STARD9: variants seen among roughly 807,000 people sequenced by gnomAD.
The protein encoded by STARD9 is StAR related lipid transfer domain containing 9, also known as stAR-related lipid transfer protein 9.
STARD9 carries 346 observed loss-of-function variants against 399.8 expected under a neutral mutation model. The ratio of observed to expected loss-of-function variants is 0.87; its 90% CI spans 0.79 to 0.95. STARD9 has a LOEUF of 0.95. STARD9 is among the 40% of genes least tolerant of loss of function. The pLI is 0.00. For synonymous variants in STARD9, 2,203 were observed against 2,143.5 expected (o/e 1.03, Z -0.77); for missense variants, 5,832 against 5,667.5 (o/e 1.03, Z -0.93).
intron 1 of STARD9, among the ~76,000 whole-genome samples, chr15:42,579,624 G>A (rs1386808933): frequency 4.6e-5 from 7 of 152,084 alleles, no homozygotes; most frequent in Non-Finnish European, 8.8e-5. Context: ...TTCAGAGTAC[G>A]ATAGGAAAGG....
intron 3 of STARD9, among the ~76,000 whole-genome samples, chr15:42,626,246 T>TTCTTCCTCTTCC (rs61712813): frequency 6.6e-6 from 1 of 151,640 alleles, no homozygotes; most frequent in Admixed American, 6.6e-5. Flanking sequence ...CTTCTTCTTC[T>TTCTTCCTCTTCC]TCTTCCTCTT....
chr15:42,636,191 G>A (rs2059415199), intron 4 of STARD9, among the ~76,000 whole-genome samples: 1 of 152,154 alleles, frequency 6.6e-6, no homozygotes, highest in Non-Finnish European at 1.5e-5. Context: ...AGCTACTTAG[G>A]AGGCTGAGGT....
At chr15:42,637,589 T>C (rs539280750) in intron 4 of STARD9, among the ~76,000 whole-genome samples, 39 of 152,162 alleles carry the variant, frequency 2.6e-4, no homozygotes, top group Admixed American at 5.2e-4. Context: ...TGGGGGAACA[T>C]TGGTAAAGTG....
In STARD9 at chr15:42,689,113, C is replaced by T; in HGVS notation, c.7535C>T (p.Thr2512Ile). 1 of 1,537,294 alleles carries T rather than the reference C, an allele frequency of 6.5e-7. No individual in the cohort carries two copies. Among genetic ancestry groups the T allele is most frequent in the Non-Finnish European group, 8.7e-7 (1 of 1,146,918 alleles). ...CCAAGGCAGAAGGCAGAGAAGGAGA[C>T]TGAGGACGTCGGACTGACCAGCGGT... ...SKPRQKAEKE[T>I]EDVGLTSGVS... is the part of the protein sequence containing the mutation. Residue 2512 changes from threonine to isoleucine, a missense_variant, in exon 23 of 33, where the codon ACT becomes ATT. Thr to Ile is a moderately conservative substitution (Grantham distance 89). Coordinates refer to ENST00000290607, the MANE Select transcript of STARD9 (RefSeq NM_020759.3).
Position 42,699,392 on chromosome 15 carries a change from C to CTTTT in STARD9, c.13284+3529_13284+3532dup, listed in dbSNP as rs34614271. Among the ~76,000 whole-genome samples the CTTTT allele has an allele frequency of 4.2e-4, 48 of 113,284 alleles. 1 individual carries two copies. The highest frequency in any genetic ancestry group is 6.9e-4 in the African/African-American group (17 of 24,552). 74.3% of individuals were successfully genotyped at this position (113,284 alleles called of 152,430 possible). A position where few individuals can be genotyped will look rare whatever the true frequency, so the allele number is the denominator to read the frequency against. ...TCTATGAGATCAACTTTTTTCTTTTCTTTTTTTTTTTTTTTTTTTTGAGAT... is the reference window on the plus strand; with the variant it reads ...TCTATGAGATCAACTTTTTTCTTTTCTTTTTTTTTTTTTTTTTTTTTTTTGAGAT... On this transcript the variant is annotated intron_variant, in intron 26 of 32. Coordinates refer to ENST00000290607, the MANE Select transcript of STARD9 (RefSeq NM_020759.3).
At chr15:42,712,632 T>C (rs2061268065) in intron 26 of STARD9, among the ~76,000 whole-genome samples, 2 of 152,196 alleles carry the variant, frequency 1.3e-5, no homozygotes. Flanking sequence ...ACTATAGACA[T>C]ATGGCTTTAT....
At chr15:42,643,385 G>A (rs1407505572) in intron 7 of STARD9, among the ~76,000 whole-genome samples, 1 of 152,030 alleles carries the variant, frequency 6.6e-6, no homozygotes, top group African/African-American at 2.4e-5. Flanking sequence ...TAGTAGAGAC[G>A]GGGTTTCACC....
intron 30 of STARD9, 82 bp downstream of exon 30, chr15:42,718,261 G>A (rs1250467711): frequency 1.4e-6 from 2 of 1,387,536 alleles, no homozygotes; most frequent in Non-Finnish European, 2.0e-6. Context: ...AGAGGTGGAG[G>A]GTTGGAGGCA....
Position 42,691,398 on chromosome 15 carries a change from T to G in STARD9, c.9820T>G (p.Ser3274Ala), listed in dbSNP as rs2060695568. Reference protein sequence around the residue: ...SQGFKDPATVSLRQNETPQPA... With the variant: ...SQGFKDPATVALRQNETPQPA... ...GGGCTTCAAAGACCCAGCCACTGTG[T>G]CCTTGAGGCAAAATGAAACACCGCA... The change falls in exon 23 of 33, where the codon TCC becomes GCC. Residue 3274 changes from serine (S) to alanine (A), a missense_variant. This residue lies in a region of STARD9 where 5,828 missense variants were observed against 5,651.1 expected (regional missense o/e 1.03). Coordinates refer to ENST00000290607, the MANE Select transcript of STARD9 (RefSeq NM_020759.3). 1.3e-6 allele frequency: 2 copies of G among 1,537,204 alleles called. No individual in the cohort carries two copies. The highest frequency in any genetic ancestry group is 8.7e-7 in the Non-Finnish European group (1 of 1,146,896).
chr15:42,702,351 G>A (rs1284876307), intron 26 of STARD9, among the ~76,000 whole-genome samples: 7 of 151,982 alleles, frequency 4.6e-5, no homozygotes, highest in African/African-American at 1.2e-4. Context: ...TTACAGGCGC[G>A]CACCACCATG....
At chr15:42,678,487 G>C (rs139168421) in intron 20 of STARD9, among the ~76,000 whole-genome samples, 166 of 152,298 alleles carry the variant, frequency 1.1e-3, no homozygotes, top group African/African-American at 3.5e-3. Flanking sequence ...CATTGCCTGT[G>C]TTCTTGGCAT....
chr15:42,675,653 C>A lies in STARD9; in HGVS notation c.1688-11C>A, dbSNP rs190528678. The A allele has an allele frequency of 2.0e-4, 306 of 1,534,172 alleles. 2 individuals are homozygous for A. In the East Asian group the frequency reaches 7.2e-3, roughly 36 times the overall value. The stretch of plus-strand genomic sequence containing the variant: ...CTGTTGATTGAATTCTCATTTGTCT[C>A]TGTGCTGCAGGAGCTGTCATAACCC... On this transcript the variant is annotated splice_polypyrimidine_tract_variant and intron_variant, in intron 18 of 32. Coordinates refer to ENST00000290607, the MANE Select transcript of STARD9 (RefSeq NM_020759.3).
Position 42,685,939 on chromosome 15 carries a change from C to G in STARD9, c.4361C>G (p.Ser1454Cys). Residue 1454 changes from serine to cysteine, a missense_variant, in exon 23 of 33, where the codon TCT (serine) becomes TGT (cysteine). By Grantham distance (112) the Ser-to-Cys change is moderately radical. Coordinates refer to ENST00000290607, the MANE Select transcript of STARD9 (RefSeq NM_020759.3). ...CIPDMTQQGS[S>C]EASHNSSVSN... ...CCTGACATGACCCAGCAGGGCAGCT[C>G]TGAAGCATCCCACAATTCTAGCGTA... 1 of 1,537,218 alleles carries G rather than the reference C, an allele frequency of 6.5e-7. No homozygotes were observed. Among genetic ancestry groups the G allele is most frequent in the Non-Finnish European group, 8.7e-7 (1 of 1,146,918 alleles).
At chr15:42,661,320 C>T (rs1003084372) in intron 10 of STARD9, 95 bp downstream of exon 10, 23 of 881,640 alleles carry the variant, frequency 2.6e-5, no homozygotes, top group Non-Finnish European at 3.9e-5. Flanking sequence ...TTCAGTCATC[C>T]TGAGAGTATT....
intron 3 of STARD9, among the ~76,000 whole-genome samples, chr15:42,634,191 C>T (rs1406165047): frequency 3.3e-5 from 5 of 152,174 alleles, no homozygotes; most frequent in Non-Finnish European, 7.3e-5. Context: ...GCTGTGCCTT[C>T]CCCATAAAGC....
At chr15:42,637,240 TCTCA>T (rs2059437576) in intron 4 of STARD9, among the ~76,000 whole-genome samples, 1 of 151,974 alleles carries the variant, frequency 6.6e-6, no homozygotes, top group Non-Finnish European at 1.5e-5. Flanking sequence ...TGAGATGGGG[TCTCA>T]CTCTGTTACC....
At chr15:42,588,931 C>T (rs1329393588) in intron 3 of STARD9, among the ~76,000 whole-genome samples, 1 of 151,724 alleles carries the variant, frequency 6.6e-6, no homozygotes, top group Non-Finnish European at 1.5e-5. Flanking sequence ...TCTTGTGCCT[C>T]AGCCTCCTGA....
At chr15:42,613,713 C>G (rs1002985073) in intron 3 of STARD9, among the ~76,000 whole-genome samples, 6 of 152,138 alleles carry the variant, frequency 3.9e-5, no homozygotes, top group African/African-American at 1.4e-4. Context: ...ACCTGTAATC[C>G]CAGCACTTTG....
intron 26 of STARD9, among the ~76,000 whole-genome samples, chr15:42,715,328 C>T (rs143163723): frequency 0.014 from 2,186 of 152,110 alleles, 38 homozygotes; most frequent in Non-Finnish European, 0.018. Context: ...TGGCAAACAG[C>T]GAGACTGGTT....
Sources: gnomAD v4.1 joint callset for allele counts (sites outside exome capture counted in the v4.1 genomes callset) on GRCh38, gnomAD v4.1.1 for gene constraint, gnomAD v4.1.1 regional missense constraint, MANE v1.5 for transcripts, NCBI Gene and HGNC (gene_info 2026-07-23, HGNC 2026-07-21) for gene names.